Variants in MTMR12 observed in about 807,000 individuals in gnomAD.
MTMR12 encodes the protein myotubularin related protein 12, also known as myotubularin-related protein 12.
MTMR12 carries 33 observed loss-of-function variants against 96.7 expected under a neutral mutation model. The observed-to-expected ratio is 0.34, with a 90% confidence interval of 0.26 to 0.46. MTMR12 has a LOEUF of 0.46. Among genes scored for constraint, MTMR12 ranks in the 20% least tolerant of loss-of-function variants. The probability of loss-of-function intolerance (pLI) is 1.00; values close to 1 mark genes in which losing one functional copy is unlikely to be tolerated. For missense variants in MTMR12, 721 were observed against 896.1 expected (o/e 0.80, Z 2.49); for synonymous variants, 298 against 327.2 (o/e 0.91, Z 0.96).
chr5:32,233,784 T>C lies in MTMR12; in HGVS notation c.1663A>G (p.Met555Val). ...TGTGGACATCTTACTTTGAAGCGCA[T>C]TCCTTTCCGTTGGCCTTTGTCCAGT... ...PKLDKGQRKG[M>V]RFKHQRQLSL... is the part of the protein sequence containing the mutation. Residue 555 changes from methionine to valine, a missense_variant, in exon 15 of 16, where the codon ATG becomes GTG. Coordinates refer to ENST00000382142, the MANE Select transcript of MTMR12 (RefSeq NM_001040446.3). The surrounding 1 kb of genome is among the most constrained non-coding windows in gnomAD (Gnocchi z 5.0). 1 of 1,614,218 alleles carries C rather than the reference T, an allele frequency of 6.2e-7. No individual in the cohort carries two copies. The highest frequency in any genetic ancestry group is 8.5e-7 in the Non-Finnish European group (1 of 1,180,030).
At chr5:32,306,072 T>C (rs1330722123) in intron 1 of MTMR12, among the ~76,000 whole-genome samples, 1 of 152,078 alleles carries the variant, frequency 6.6e-6, no homozygotes, top group Non-Finnish European at 1.5e-5. Context: ...AAAAAGAAAT[T>C]GCTACTAGAG....
Position 32,312,292 on chromosome 5 carries a change from C to T in MTMR12, c.81+466G>A, listed in dbSNP as rs948449615. ...GCGGACGTAGGTGCAGGGCATCCCG[C>T]CAGCCGCACCCGAGGCACTCAGACG... is the stretch of plus-strand genomic sequence containing the variant. On this transcript the variant is annotated intron_variant, in intron 1 of 15. Coordinates refer to ENST00000382142, the MANE Select transcript of MTMR12 (RefSeq NM_001040446.3). The surrounding 1 kb of genome is among the most constrained non-coding windows in gnomAD (Gnocchi z 5.0). 3.3e-5 allele frequency among the ~76,000 whole-genome samples: 5 copies of T among 152,208 alleles called. No homozygotes were observed. Among genetic ancestry groups the T allele is most frequent in the African/African-American group, 1.2e-4 (5 of 41,464 alleles).
intron 1 of MTMR12, among the ~76,000 whole-genome samples, chr5:32,294,560 C>CA (rs563567701): frequency 2.3e-3 from 348 of 152,208 alleles, no homozygotes; most frequent in African/African-American, 8.2e-3. Context: ...CTTGGCCTCC[C>CA]AAAGTGCTGA....
rs1459110304 is a variant in MTMR12, at chr5:32,227,419, T to C, written c.*2359A>G. ...CTGATTTCAAATATAAATACAAAAA[T>C]TGTCATGACCTTACACGTTACAACA... On this transcript the variant is annotated 3_prime_UTR_variant, in exon 16 of 16. Coordinates refer to ENST00000382142, the MANE Select transcript of MTMR12 (RefSeq NM_001040446.3). The C allele has an allele frequency of 2.0e-5, 3 of 152,638 alleles. No individual in the cohort carries two copies. The highest frequency in any genetic ancestry group is 7.2e-5 in the African/African-American group (3 of 41,454). The allele number at this position is 152,638 out of a possible 1,614,324, so 9.5% of individuals were successfully genotyped here. A position where few individuals can be genotyped will look rare whatever the true frequency, so the allele number is the denominator to read the frequency against.
Position 32,228,732 on chromosome 5 carries a change from T to C in MTMR12, c.*1046A>G, listed in dbSNP as rs933972452. 1 of 151,202 alleles carries C rather than the reference T, an allele frequency of 6.6e-6. No homozygotes were observed. The highest frequency in any genetic ancestry group is 1.5e-5 in the Non-Finnish European group (1 of 67,886). 9.4% of individuals were successfully genotyped at this position (151,202 alleles called of 1,614,324 possible). On this transcript the variant is annotated 3_prime_UTR_variant, in exon 16 of 16. Coordinates refer to ENST00000382142, the MANE Select transcript of MTMR12 (RefSeq NM_001040446.3). The stretch of plus-strand genomic sequence containing the variant: ...CTTTTAAAATCACTGAGGTATCATA[T>C]GATAATCATCACTTCTGATATTTAT...
chr5:32,269,796 A>G (rs574476181), intron 5 of MTMR12, among the ~76,000 whole-genome samples: 7 of 152,358 alleles, frequency 4.6e-5, no homozygotes, highest in African/African-American at 1.7e-4. Flanking sequence ...TCCATTGTTG[A>G]GGCCTTTAGG....
At chr5:32,234,299 G>A (rs1748120732) in intron 14 of MTMR12, among the ~76,000 whole-genome samples, 1 of 152,192 alleles carries the variant, frequency 6.6e-6, no homozygotes, top group Non-Finnish European at 1.5e-5. Flanking sequence ...TGAAAGCAGG[G>A]CTGTTGCTCC....
Position 32,229,770 on chromosome 5 carries a change from C to G in MTMR12, c.*8G>C. On this transcript the variant is annotated 3_prime_UTR_variant, in exon 16 of 16. Transcript: ENST00000382142. ...ACATTCCTCTTTCACAATCACTCAACAAACAGGTCACACATCCCCTAGGTC... is the reference window on the plus strand; with the variant it reads ...ACATTCCTCTTTCACAATCACTCAAGAAACAGGTCACACATCCCCTAGGTC... 1 of 1,514,046 alleles carries G rather than the reference C, an allele frequency of 6.6e-7. No homozygotes were observed. The highest frequency in any genetic ancestry group is 1.8e-4 in the Middle Eastern group (1 of 5,590). 93.8% of individuals were successfully genotyped at this position (1,514,046 alleles called of 1,614,324 possible).
At chr5:32,264,786 C>G (rs1749528609) in intron 6 of MTMR12, among the ~76,000 whole-genome samples, 1 of 152,062 alleles carries the variant, frequency 6.6e-6, no homozygotes, top group Non-Finnish European at 1.5e-5. Context: ...ACTCAATCCT[C>G]ACAACCCTAT....
chr5:32,290,442 C>T (rs558600628), intron 1 of MTMR12, among the ~76,000 whole-genome samples: 10 of 152,204 alleles, frequency 6.6e-5, no homozygotes, highest in South Asian at 4.2e-4. Context: ...TTTAGGGGTT[C>T]GGTGGTGTGC....
rs35999870 is a variant in MTMR12 at position 32,279,076 on chromosome 5, C to CAAAAAAAAAAA, written c.82-2345_82-2335dup. ...GGGCAACAAGAGCGAAACTCTGTCTCAAAAAAAAAAAAAAAAAAAAAAAAA... is the reference window on the plus strand; with the variant it reads ...GGGCAACAAGAGCGAAACTCTGTCTCAAAAAAAAAAAAAAAAAAAAAAAAAAAAAAAAAAAA... On this transcript the variant is annotated intron_variant, in intron 1 of 15. Coordinates refer to ENST00000382142, the MANE Select transcript of MTMR12 (RefSeq NM_001040446.3). Among the ~76,000 whole-genome samples, 29 of 50,532 alleles carry CAAAAAAAAAAA rather than the reference C, an allele frequency of 5.7e-4. 5 individuals are homozygous for CAAAAAAAAAAA. Among genetic ancestry groups the CAAAAAAAAAAA allele is most frequent in the Non-Finnish European group, 9.4e-4 (25 of 26,476 alleles). The allele number at this position is 50,532 out of a possible 152,430, so 33.2% of individuals were successfully genotyped here. A position where few individuals can be genotyped will look rare whatever the true frequency, so the allele number is the denominator to read the frequency against.
intron 1 of MTMR12, among the ~76,000 whole-genome samples, chr5:32,290,274 C>T (rs536504831): frequency 1.3e-5 from 2 of 152,340 alleles, no homozygotes; most frequent in South Asian, 2.1e-4. Context: ...AGACCTTGAT[C>T]GCTTTTTGCT....
chr5:32,263,391 G>T, intron 6 of MTMR12, 149 bp from the exon 7 acceptor site: 57 of 858,890 alleles, frequency 6.6e-5, no homozygotes, highest in Middle Eastern at 3.7e-4. Context: ...TCCTAACCTT[G>T]TTCCATTTTT....
At chr5:32,307,923 C>T (rs773720102) in intron 1 of MTMR12, among the ~76,000 whole-genome samples, 1 of 152,226 alleles carries the variant, frequency 6.6e-6, no homozygotes, top group Non-Finnish European at 1.5e-5. Context: ...GTACAGGTAT[C>T]ATTACATCAT....
At chr5:32,284,166 T>A (rs1015733041) in intron 1 of MTMR12, among the ~76,000 whole-genome samples, 15 of 151,006 alleles carry the variant, frequency 9.9e-5, no homozygotes, top group African/African-American at 3.2e-4. Flanking sequence ...TTTTTTTTTT[T>A]AATTAGCCAG....
rs914079684 is a variant in MTMR12 at position 32,312,535 on chromosome 5, G to C, written c.81+223C>G. Among the ~76,000 whole-genome samples the C allele has an allele frequency of 1.0e-3, 153 of 152,206 alleles. 3 individuals carry two copies. Among genetic ancestry groups the C allele is most frequent in the Non-Finnish European group, 5.9e-4 (40 of 67,966 alleles). ...GCCCCTCCACCAGCCTCCAGCGCTC[G>C]GGCCCTGCGCTCAGGCACCTGCCTG... is the stretch of plus-strand genomic sequence containing the variant. On this transcript the variant is annotated intron_variant, in intron 1 of 15. Transcript: ENST00000382142. This position sits in a 1 kb window ranked among gnomAD's most constrained non-coding sequence, Gnocchi z 5.0.
At chr5:32,277,584 A>T (rs1750105046) in intron 1 of MTMR12, among the ~76,000 whole-genome samples, 1 of 152,164 alleles carries the variant, frequency 6.6e-6, no homozygotes, top group Non-Finnish European at 1.5e-5. Flanking sequence ...CTGTAATCCC[A>T]GCTACTTGGG....
intron 1 of MTMR12, among the ~76,000 whole-genome samples, chr5:32,307,315 C>T (rs757863462): frequency 3.3e-5 from 5 of 152,084 alleles, no homozygotes; most frequent in Non-Finnish European, 1.5e-5. Flanking sequence ...ATAACCATAT[C>T]CCTCCCTAGA....
At chr5:32,287,487 T>G (rs941337817) in intron 1 of MTMR12, among the ~76,000 whole-genome samples, 1 of 152,234 alleles carries the variant, frequency 6.6e-6, no homozygotes, top group Non-Finnish European at 1.5e-5. Flanking sequence ...GACAGACTAC[T>G]GTGGGAACTT....
Sources: allele counts gnomAD v4.1 joint callset (sites outside exome capture counted in the v4.1 genomes callset), GRCh38; gene constraint gnomAD v4.1.1; non-coding constraint Gnocchi (gnomAD v3.1); transcripts MANE v1.5; gene names NCBI Gene and HGNC (gene_info 2026-07-23, HGNC 2026-07-21).